The following PXDNL variants were observed in gnomAD, a reference collection of about 807,000 sequenced individuals.
PXDNL encodes probable oxidoreductase PXDNL.
PXDNL carries 145 observed loss-of-function variants against 150.8 expected under a neutral mutation model. That is an observed-to-expected ratio of 0.96 (90% CI 0.84 to 1.10). PXDNL has a LOEUF of 1.10. PXDNL is among the 50% of genes least tolerant of loss of function. The pLI is 0.00. For synonymous variants in PXDNL, 757 were observed against 725.7 expected, an observed-to-expected ratio of 1.04 and a Z score of -0.69; for missense variants, 2,087 against 1,873.9, an observed-to-expected ratio of 1.11 and a Z score of -2.10.
chr8:51,528,099 T>G (rs886732171), intron 4 of PXDNL, among the ~76,000 whole-genome samples: 1 of 152,166 alleles, frequency 6.6e-6, no homozygotes, highest in Admixed American at 6.5e-5. Flanking sequence ...AGGAGAGGAT[T>G]CAAATATTAA....
chr8:51,471,989 C>T (rs1420815312), intron 8 of PXDNL, among the ~76,000 whole-genome samples, 198 bp downstream of exon 8: 2 of 151,946 alleles, frequency 1.3e-5, no homozygotes, highest in African/African-American at 2.4e-5. Context: ...CGCGCCCGGC[C>T]GGAAATGTGT....
At chr8:51,577,801 C>A (rs1198975162) in intron 3 of PXDNL, among the ~76,000 whole-genome samples, 1 of 150,076 alleles carries the variant, frequency 6.7e-6, no homozygotes, top group Non-Finnish European at 1.5e-5. Context: ...TGAATCCTTC[C>A]CTCTAAGGTC....
At chr8:51,733,013 T>A (rs1432612058) in intron 1 of PXDNL, among the ~76,000 whole-genome samples, 1 of 152,216 alleles carries the variant, frequency 6.6e-6, no homozygotes, top group African/African-American at 2.4e-5. Flanking sequence ...CCAGGTGCCC[T>A]GTGGCCATTT....
intron 1 of PXDNL, among the ~76,000 whole-genome samples, chr8:51,764,382 T>G (rs1176707307): frequency 1.3e-5 from 2 of 151,506 alleles, no homozygotes; most frequent in African/African-American, 4.8e-5. Context: ...TTTTCTAGTT[T>G]TTTTTTTTTA....
intron 1 of PXDNL, among the ~76,000 whole-genome samples, chr8:51,681,151 A>G (rs1815742002): frequency 6.6e-6 from 1 of 152,158 alleles, no homozygotes; most frequent in Non-Finnish European, 1.5e-5. Flanking sequence ...TCAATGGACC[A>G]AACTCTTTGT....
intron 1 of PXDNL, among the ~76,000 whole-genome samples, chr8:51,720,959 C>T (rs1473138509): frequency 5.9e-5 from 9 of 152,226 alleles, no homozygotes; most frequent in Non-Finnish European, 1.3e-4. Context: ...TCTCATTTTC[C>T]TCCCAAAGCT....
At chr8:51,432,091 T>C (rs903968943) in intron 12 of PXDNL, among the ~76,000 whole-genome samples, 8 of 152,222 alleles carry the variant, frequency 5.3e-5, no homozygotes, top group Non-Finnish European at 8.8e-5. Context: ...ATTTTACTTC[T>C]TATTGAAAAA....
In PXDNL at chr8:51,319,911, C is replaced by T; in HGVS notation, c.4372G>A (p.Asp1458Asn). ...PVCRDRGMPS[D>N]SPEKR Reference sequence around the variant, plus strand: ...TTTTATTAGCGCTTCTCTGGGGAATCACTTGGCATTCCTCGGTCTCTGCAA... The same window carrying T: ...TTTTATTAGCGCTTCTCTGGGGAATTACTTGGCATTCCTCGGTCTCTGCAA... The change falls in exon 23 of 23, where the codon GAT becomes AAT. Residue 1458 changes from aspartate (D) to asparagine (N), a missense_variant. By Grantham distance (23) the Asp-to-Asn change is conservative. Coordinates refer to ENST00000356297, the MANE Select transcript of PXDNL (RefSeq NM_144651.5). 6.5e-7 allele frequency: 1 copy of T among 1,547,086 alleles called. No individual in the cohort carries two copies. The highest frequency in any genetic ancestry group is 8.7e-7 in the Non-Finnish European group (1 of 1,150,600).
chr8:51,512,464 A>T (rs1004785094), intron 4 of PXDNL, among the ~76,000 whole-genome samples: 1 of 151,944 alleles, frequency 6.6e-6, no homozygotes, highest in Non-Finnish European at 1.5e-5. Flanking sequence ...GAAGAGTAAT[A>T]TAGAAAAAGG....
chr8:51,737,507 C>T (rs1434597012), intron 1 of PXDNL, among the ~76,000 whole-genome samples: 1 of 152,200 alleles, frequency 6.6e-6, no homozygotes, highest in East Asian at 1.9e-4. Flanking sequence ...CACCCTGCTC[C>T]AGGCCCAGCC....
chr8:51,566,843 C>A (rs1812839723), intron 3 of PXDNL, among the ~76,000 whole-genome samples: 1 of 150,458 alleles, frequency 6.6e-6, no homozygotes, highest in Non-Finnish European at 1.5e-5. Context: ...TTTTATATTG[C>A]TTTTTTTTCT....
At chr8:51,782,509 T>C (rs1289770436) in intron 1 of PXDNL, among the ~76,000 whole-genome samples, 10 of 152,226 alleles carry the variant, frequency 6.6e-5, no homozygotes. Context: ...AACTTATTCA[T>C]CATCTTCTGC....
chr8:51,485,680 C>A (rs996314803), intron 5 of PXDNL, among the ~76,000 whole-genome samples: 5 of 152,312 alleles, frequency 3.3e-5, no homozygotes, highest in Admixed American at 6.5e-5. Flanking sequence ...GCTATCAACT[C>A]CCACTTGCTC....
intron 3 of PXDNL, among the ~76,000 whole-genome samples, chr8:51,588,423 C>A (rs1413577004): frequency 6.6e-6 from 1 of 152,168 alleles, no homozygotes; most frequent in Non-Finnish European, 1.5e-5. Flanking sequence ...ACATGTCTTA[C>A]AAGAGCCCAG....
At chr8:51,721,022 G>A (rs553165850) in intron 1 of PXDNL, among the ~76,000 whole-genome samples, 16 of 152,350 alleles carry the variant, frequency 1.1e-4, no homozygotes, top group Middle Eastern at 3.4e-3. Context: ...TGACAGGGAC[G>A]GAGCTGAAGC....
intron 17 of PXDNL, among the ~76,000 whole-genome samples, chr8:51,377,109 C>CAA (rs1807344524): frequency 7.7e-6 from 1 of 129,478 alleles, no homozygotes; most frequent in Non-Finnish European, 1.5e-5. Context: ...ACCCTTTACA[C>CAA]ACACACACAC....
chr8:51,449,154 T>TTGTAAAATA, intron 10 of PXDNL, 36 bp from the exon 11 acceptor site: 1 of 1,218,918 alleles, frequency 8.2e-7, no homozygotes, highest in Non-Finnish European at 1.2e-6. Flanking sequence ...AATTGAAAAT[T>TTGTAAAATA]ATTTTACAAA....
intron 1 of PXDNL, among the ~76,000 whole-genome samples, chr8:51,677,365 T>C (rs1275947498): frequency 6.6e-6 from 1 of 152,234 alleles, no homozygotes; most frequent in Non-Finnish European, 1.5e-5. Flanking sequence ...AAAAATGTAT[T>C]CGTCTACTCC....
At chr8:51,799,681 A>G (rs1286094978) in intron 1 of PXDNL, among the ~76,000 whole-genome samples, 1 of 152,234 alleles carries the variant, frequency 6.6e-6, no homozygotes, top group Non-Finnish European at 1.5e-5. Flanking sequence ...AGACCATGGC[A>G]AAATCAGCCT....
Sources: gnomAD v4.1 joint callset for allele counts (sites outside exome capture counted in the v4.1 genomes callset) on GRCh38, gnomAD v4.1.1 for gene constraint, MANE v1.5 for transcripts, NCBI Gene and HGNC (gene_info 2026-07-23, HGNC 2026-07-21) for gene names.